Variants in PTGFRN observed in about 807,000 individuals in gnomAD.
PTGFRN encodes prostaglandin F2 receptor negative regulator.
PTGFRN carries 35 observed loss-of-function variants against 83.2 expected under a neutral mutation model. The observed-to-expected ratio is 0.42, with a 90% CI of 0.32 to 0.56. PTGFRN has a LOEUF of 0.56. Among genes scored for constraint, PTGFRN ranks in the 20% least tolerant of loss-of-function variants. PTGFRN has a pLI of 0.11. For missense variants in PTGFRN, 1,051 were observed against 1,179.5 expected (o/e 0.89, Z 1.60); for synonymous variants, 519 against 498.6 (o/e 1.04, Z -0.55).
chr1:116,922,783 C>T (rs1649570352), intron 1 of PTGFRN, among the ~76,000 whole-genome samples: 1 of 152,226 alleles, frequency 6.6e-6, no homozygotes, highest in South Asian at 2.1e-4. Context: ...GAAAACTGAG[C>T]ACATAATCAA....
intron 7 of PTGFRN, among the ~76,000 whole-genome samples, chr1:116,981,311 C>T (rs185200252): frequency 1.9e-4 from 29 of 152,212 alleles, no homozygotes; most frequent in African/African-American, 6.5e-4. Flanking sequence ...GCTTTGACCT[C>T]GACACTCTGT....
chr1:116,934,053 T>G (rs1649862556), intron 1 of PTGFRN, among the ~76,000 whole-genome samples: 1 of 152,200 alleles, frequency 6.6e-6, no homozygotes, highest in South Asian at 2.1e-4. Flanking sequence ...GTCTCATAGA[T>G]TCTTGTCTGG....
At chr1:116,972,517 C>T (rs1214984901) in intron 6 of PTGFRN, among the ~76,000 whole-genome samples, 1 of 152,226 alleles carries the variant, frequency 6.6e-6, no homozygotes, top group Non-Finnish European at 1.5e-5. Flanking sequence ...GCCCTTTCAT[C>T]ATGTTACTCC....
intron 7 of PTGFRN, among the ~76,000 whole-genome samples, chr1:116,978,402 T>G (rs1187092032): frequency 1.3e-5 from 2 of 152,132 alleles, no homozygotes; most frequent in Non-Finnish European, 2.9e-5. Flanking sequence ...TACCAAAGCC[T>G]GGCAGAGACA....
Position 116,987,057 on chromosome 1 carries a change from A to G in PTGFRN, c.*90A>G. 1 of 1,485,118 alleles carries G rather than the reference A, an allele frequency of 6.7e-7. No individual in the cohort carries two copies. Among genetic ancestry groups the G allele is most frequent in the Non-Finnish European group, 9.2e-7 (1 of 1,087,782 alleles). 92.0% of individuals were successfully genotyped at this position (1,485,118 alleles called of 1,614,324 possible). ...GATATTTTAAAACAAAGTGTGTTAC[A>G]CTAAAAACCAGTCCTCTCTAATCTC... On this transcript the variant is annotated 3_prime_UTR_variant, in exon 9 of 9. Transcript: ENST00000393203.
intron 1 of PTGFRN, among the ~76,000 whole-genome samples, chr1:116,931,502 T>C (rs1397331948): frequency 2.6e-5 from 4 of 151,930 alleles, no homozygotes; most frequent in East Asian, 1.9e-4. Context: ...TTTTCTTTTT[T>C]TTTTTTTTTA....
intron 7 of PTGFRN, among the ~76,000 whole-genome samples, chr1:116,977,099 ACCAACAAAGATCAAAAGAGACAAAGAAGG>A (rs753604331): frequency 6.6e-6 from 1 of 151,410 alleles, no homozygotes; most frequent in Non-Finnish European, 1.5e-5. Context: ...CAGACTTTAA[ACCAACAAAGATCAAAAGAGACAAAGAAGG>A]CCATTACATA....
rs1651558055 is a variant in PTGFRN at position 116,987,984 on chromosome 1, A to AG, written c.*1019dup. ...CTCTCTTGCCCATTGTGGGGGGCAA[A>AG]GGCATTGGTCACCAAGAGTCTTGCA... On this transcript the variant is annotated 3_prime_UTR_variant, in exon 9 of 9. Coordinates refer to ENST00000393203, the MANE Select transcript of PTGFRN (RefSeq NM_020440.4). 3 of 152,330 alleles carry AG rather than the reference A, an allele frequency of 2.0e-5. No individual in the cohort carries two copies. In the South Asian group the frequency reaches 6.2e-4, roughly 32 times the overall value. The allele number at this position is 152,330 out of a possible 1,614,324, so 9.4% of individuals were successfully genotyped here. A position where few individuals can be genotyped will look rare whatever the true frequency, so the allele number is the denominator to read the frequency against.
intron 3 of PTGFRN, among the ~76,000 whole-genome samples, chr1:116,946,459 A>G (rs1650205062): frequency 6.6e-6 from 1 of 152,212 alleles, no homozygotes; most frequent in African/African-American, 2.4e-5. Context: ...AATCTGCCCT[A>G]AGAAACCTCT....
In PTGFRN at chr1:116,941,273, A is replaced by G. The variant is rs1052363384; in HGVS notation, c.50-442A>G. ...AAATTGGCATCCGTCATTGTAAATC[A>G]GGTCTCAGGAGCCCCAGGGAATGGT... On this transcript the variant is annotated intron_variant, in intron 1 of 8. Transcript: ENST00000393203. The surrounding 1 kb of genome is among the most constrained non-coding windows in gnomAD (Gnocchi z 5.0). Among the ~76,000 whole-genome samples the G allele has an allele frequency of 6.6e-6, 1 of 152,238 alleles. No homozygotes were observed. The highest frequency in any genetic ancestry group is 6.5e-5 in the Admixed American group (1 of 15,288).
intron 1 of PTGFRN, among the ~76,000 whole-genome samples, chr1:116,921,763 T>A (rs1173456618): frequency 6.6e-6 from 1 of 152,160 alleles, no homozygotes; most frequent in East Asian, 1.9e-4. Context: ...TAGGTGTTTT[T>A]TAAAGGCTTG....
chr1:116,925,398 G>A (rs1372537798), intron 1 of PTGFRN, among the ~76,000 whole-genome samples: 1 of 151,816 alleles, frequency 6.6e-6, no homozygotes, highest in African/African-American at 2.4e-5. Flanking sequence ...CTGCACTCCA[G>A]CCTGGGCGAC....
At chr1:116,933,578 G>A (rs1649851550) in intron 1 of PTGFRN, among the ~76,000 whole-genome samples, 2 of 152,144 alleles carry the variant, frequency 1.3e-5, no homozygotes, top group African/African-American at 4.8e-5. Flanking sequence ...CTGGGATTAT[G>A]TTCCCTCTAT....
At chr1:116,966,803 G>A (rs1310406199) in intron 5 of PTGFRN, 108 bp from the exon 6 acceptor site, 8 of 1,232,338 alleles carry the variant, frequency 6.5e-6, no homozygotes, top group East Asian at 2.5e-5. Context: ...GTGCTTTTGT[G>A]TGGCAATTTG....
chr1:116,979,566 A>G (rs1173033155), intron 7 of PTGFRN, among the ~76,000 whole-genome samples: 2 of 152,176 alleles, frequency 1.3e-5, no homozygotes, highest in East Asian at 1.9e-4. Context: ...AAATAATACC[A>G]CACATCTACA....
chr1:116,959,629 T>C lies in PTGFRN; in HGVS notation c.1214-1614T>C, dbSNP rs377675285. Among the ~76,000 whole-genome samples, 7 of 152,304 alleles carry C rather than the reference T, an allele frequency of 4.6e-5. No homozygotes were observed. The South Asian group carries it at 8.3e-4, about 18-fold the overall frequency. On this transcript the variant is annotated intron_variant, in intron 4 of 8. Coordinates refer to ENST00000393203, the MANE Select transcript of PTGFRN (RefSeq NM_020440.4). ...ATGTTGATAAATGGAGAGTTCTGTT[T>C]AGGTAGTATTATTTTTCTCCCAGAA...
Position 116,910,084 on chromosome 1 carries a change from GCAGGCGCGCGGCC to G in PTGFRN, c.-113_-101del. On this transcript the variant is annotated 5_prime_UTR_variant, in exon 1 of 9. Coordinates refer to ENST00000393203, the MANE Select transcript of PTGFRN (RefSeq NM_020440.4). ...TTTATCGGCTCGCGAGGAGAGCGGA[GCAGGCGCGCGGCC>G]CAGGCGGAGGAGCGCCGACTCTGGA... The G allele has an allele frequency of 9.1e-7, 1 of 1,103,818 alleles. No individual in the cohort carries two copies. Among genetic ancestry groups the G allele is most frequent in the Non-Finnish European group, 1.3e-6 (1 of 763,306 alleles). The allele number at this position is 1,103,818 out of a possible 1,614,324, so 68.4% of individuals were successfully genotyped here.
intron 1 of PTGFRN, among the ~76,000 whole-genome samples, chr1:116,926,411 T>C (rs997620688): frequency 4.6e-5 from 7 of 152,206 alleles, no homozygotes; most frequent in Non-Finnish European, 1.0e-4. Flanking sequence ...GCTAATTTTA[T>C]AGAATGCGCT....
Position 116,954,543 on chromosome 1 carries a change from A to G in PTGFRN, c.1213+4971A>G, listed in dbSNP as rs184696855. Among the ~76,000 whole-genome samples, 30 of 152,296 alleles carry G rather than the reference A, an allele frequency of 2.0e-4. No individual in the cohort carries two copies. The East Asian group carries it at 5.8e-3, about 29-fold the overall frequency. ...TGTAATTAGCTGTGCCAAGTTAACTAAGTTTCAGAGGGGGTATTAGAACAT... is the reference window on the plus strand; with the variant it reads ...TGTAATTAGCTGTGCCAAGTTAACTGAGTTTCAGAGGGGGTATTAGAACAT... On this transcript the variant is annotated intron_variant, in intron 4 of 8. Coordinates refer to ENST00000393203, the MANE Select transcript of PTGFRN (RefSeq NM_020440.4).
Sources: gnomAD v4.1 joint callset for allele counts (sites outside exome capture counted in the v4.1 genomes callset) on GRCh38, gnomAD v4.1.1 for gene constraint, Gnocchi (gnomAD v3.1) non-coding constraint, MANE v1.5 for transcripts, NCBI Gene and HGNC (gene_info 2026-07-23, HGNC 2026-07-21) for gene names.